The following PRELID2 variants were observed in gnomAD, a reference collection of about 807,000 sequenced individuals.
PRELID2 encodes the protein PRELI domain containing 2, also known as PRELI domain-containing protein 2.
A neutral mutation model predicts 28.4 loss-of-function variants in PRELID2; 25 were observed. That is an observed-to-expected ratio of 0.88 (90% CI 0.64 to 1.23). The LOEUF (loss-of-function observed/expected upper bound fraction) is 1.23, where lower values mean the gene tolerates loss of function less well. Among genes scored for constraint, PRELID2 ranks in the 50% most tolerant of loss-of-function variants. PRELID2 has a pLI of 0.00. For missense variants in PRELID2, 201 were observed against 214.4 expected (o/e 0.94, Z 0.39); for synonymous variants, 76 against 71.6 (o/e 1.06, Z -0.31).
chr5:145,521,517 G>A (rs146415406), intron 1 of PRELID2, among the ~76,000 whole-genome samples: 112 of 152,166 alleles, frequency 7.4e-4, no homozygotes, highest in African/African-American at 2.5e-3. Flanking sequence ...TTTTAAATGA[G>A]TCGTTTTTAA....
chr5:145,656,661 C>T (rs914770761), intron 1 of PRELID2, among the ~76,000 whole-genome samples: 2 of 149,624 alleles, frequency 1.3e-5, no homozygotes, highest in Admixed American at 6.8e-5. Flanking sequence ...GACAAAAAAC[C>T]AAACACCGCA....
chr5:145,743,246 CAAAAATACA>C (rs1756886515), intron 1 of PRELID2, among the ~76,000 whole-genome samples: 4 of 151,238 alleles, frequency 2.6e-5, no homozygotes, highest in Non-Finnish European at 3.0e-5. Flanking sequence ...TTGTCTCTAA[CAAAAATACA>C]AAAAATTACC....
At chr5:145,486,840 C>T (rs1182726395) in intron 1 of PRELID2, among the ~76,000 whole-genome samples, 1 of 150,078 alleles carries the variant, frequency 6.7e-6, no homozygotes. Flanking sequence ...TGGAACCAAC[C>T]CAAATGTCCA....
At chr5:145,567,552 A>G (rs1306353816) in intron 1 of PRELID2, among the ~76,000 whole-genome samples, 1 of 152,044 alleles carries the variant, frequency 6.6e-6, no homozygotes, top group Non-Finnish European at 1.5e-5. Flanking sequence ...TAGTTTTTGT[A>G]CTTTTAGTAG....
chr5:145,545,884 G>A (rs1252522131), intron 1 of PRELID2, among the ~76,000 whole-genome samples: 2 of 152,116 alleles, frequency 1.3e-5, no homozygotes, highest in Non-Finnish European at 2.9e-5. Context: ...TTTCCTTAAA[G>A]TTGTTCAAGG....
At chr5:145,466,641 C>A in the PRELID2 span, among the ~76,000 whole-genome samples, 2 of 151,994 alleles carry the variant, frequency 1.3e-5, no homozygotes, top group Non-Finnish European at 2.9e-5. Context: ...GTAATTAAAC[C>A]ACTGAGTAGA....
chr5:145,726,639 G>T (rs1023542211), intron 1 of PRELID2, among the ~76,000 whole-genome samples: 3 of 152,190 alleles, frequency 2.0e-5, no homozygotes, highest in African/African-American at 7.2e-5. Context: ...GTCCACCAAG[G>T]TGCCTATCTC....
At chr5:145,373,063 ATATGATATATAT>A in the PRELID2 span, among the ~76,000 whole-genome samples, 5 of 95,316 alleles carry the variant, frequency 5.2e-5, no homozygotes, top group East Asian at 3.2e-4. Context: ...CATATATAAT[ATATGATATATAT>A]TACAACATAT....
At chr5:145,591,914 G>A (rs901311665) in intron 1 of PRELID2, among the ~76,000 whole-genome samples, 17 of 152,160 alleles carry the variant, frequency 1.1e-4, no homozygotes, top group Admixed American at 7.2e-4. Context: ...CTGTGCTATC[G>A]TCTAAACCTA....
chr5:145,483,202 TAG>T (rs1264069033), intron 1 of PRELID2, among the ~76,000 whole-genome samples: 2 of 152,164 alleles, frequency 1.3e-5, no homozygotes, highest in African/African-American at 4.8e-5. Flanking sequence ...CATCAAAATA[TAG>T]AGTCTGTTTC....
chr5:145,559,274 G>T (rs921920797), intron 1 of PRELID2, among the ~76,000 whole-genome samples: 2 of 151,174 alleles, frequency 1.3e-5, no homozygotes, highest in African/African-American at 4.9e-5. Context: ...AAAAAAAAGC[G>T]TTTTGGGAAA....
chr5:145,626,515 A>C (rs1753845963), intron 1 of PRELID2, among the ~76,000 whole-genome samples: 1 of 152,128 alleles, frequency 6.6e-6, no homozygotes, highest in African/African-American at 2.4e-5. Flanking sequence ...TAAAAAGTAA[A>C]AAAATGTAGA....
At chr5:145,462,108 G>A in the PRELID2 span, among the ~76,000 whole-genome samples, 17 of 152,262 alleles carry the variant, frequency 1.1e-4, no homozygotes, top group East Asian at 3.3e-3. Context: ...GCCCAATGTA[G>A]CATCGTTATC....
chr5:145,719,912 A>C (rs1755941730), intron 1 of PRELID2, among the ~76,000 whole-genome samples: 2 of 152,016 alleles, frequency 1.3e-5, no homozygotes, highest in South Asian at 4.1e-4. Flanking sequence ...AAATGTACAT[A>C]AAACAGAAAG....
the PRELID2 span, among the ~76,000 whole-genome samples, chr5:145,314,058 G>A: frequency 6.6e-6 from 1 of 152,140 alleles, no homozygotes; most frequent in Non-Finnish European, 1.5e-5. Context: ...GTTTCCCAAA[G>A]CATTTTAAAT....
At chr5:145,256,540 T>C in the PRELID2 span, among the ~76,000 whole-genome samples, 6 of 151,944 alleles carry the variant, frequency 3.9e-5, no homozygotes, top group Admixed American at 1.3e-4. Context: ...TAATCTAACA[T>C]ATATACAAAT....
At chr5:145,709,353 G>A (rs557378740) in intron 1 of PRELID2, among the ~76,000 whole-genome samples, 2 of 152,288 alleles carry the variant, frequency 1.3e-5, no homozygotes, top group Non-Finnish European at 2.9e-5. Flanking sequence ...ACACTTTAAT[G>A]GAAACCAAGG....
chr5:145,743,680 C>A (rs1299042482), intron 1 of PRELID2, among the ~76,000 whole-genome samples: 3 of 152,156 alleles, frequency 2.0e-5, no homozygotes, highest in Non-Finnish European at 4.4e-5. Context: ...AACTGTGCAA[C>A]CCGTGGGTCG....
At chr5:145,244,216 A>C in the PRELID2 span, among the ~76,000 whole-genome samples, 878 of 152,106 alleles carry the variant, frequency 5.8e-3, 8 homozygotes, top group African/African-American at 0.02. Context: ...TAGCCTCCCA[A>C]AGTGCTGGGA....
Sources: allele counts gnomAD v4.1 joint callset (sites outside exome capture counted in the v4.1 genomes callset), GRCh38; gene constraint gnomAD v4.1.1; transcripts MANE v1.5; gene names NCBI Gene and HGNC (gene_info 2026-07-23, HGNC 2026-07-21).